SAMD15: variants seen among roughly 807,000 people sequenced by gnomAD.
The protein encoded by SAMD15 is sterile alpha motif domain-containing protein 15.
In SAMD15, 37 loss-of-function variants were observed where a neutral mutation model predicts 50.5. That is an observed-to-expected ratio of 0.73 (90% CI 0.56 to 0.96). The LOEUF (loss-of-function observed/expected upper bound fraction) is 0.96. SAMD15 is among the 40% of genes least tolerant of loss of function. The probability of loss-of-function intolerance (pLI) is 0.00; values close to 1 mark genes in which losing one functional copy is unlikely to be tolerated. For missense variants in SAMD15, 789 were observed against 783.8 expected (o/e 1.01, Z -0.08); for synonymous variants, 255 against 282.8 (o/e 0.90, Z 0.99).
Position 77,378,330 on chromosome 14 carries a change from A to G in SAMD15, c.912A>G (p.Leu304=). 6.2e-7 allele frequency: 1 copy of G among 1,612,394 alleles called. No individual in the cohort carries two copies. The highest frequency in any genetic ancestry group is 8.5e-7 in the Non-Finnish European group (1 of 1,179,622). ...CAACTGAGGAGAAAGGGACAGAACT[A>G]CCTGAGCGGACTAAACCAGACTTTC... ...RKATEEKGTE[L]PERTKPDFPD... is the part of the protein sequence containing the mutation. The change falls in exon 1 of 3, where the codon CTA becomes CTG. Residue 304 remains leucine (L), a synonymous_variant. Coordinates refer to ENST00000216471, the MANE Select transcript of SAMD15 (RefSeq NM_001010860.4).
At chr14:77,381,461 C>G (rs368260504) in intron 2 of SAMD15, among the ~76,000 whole-genome samples, 1 of 152,326 alleles carries the variant, frequency 6.6e-6, no homozygotes, top group East Asian at 1.9e-4. Flanking sequence ...TTGCTCAGCA[C>G]ACCCATGCCC....
chr14:77,384,102 G>T (rs1893978905), intron 2 of SAMD15, among the ~76,000 whole-genome samples: 1 of 150,326 alleles, frequency 6.7e-6, no homozygotes, highest in African/African-American at 2.5e-5. Flanking sequence ...TGTCTCCATT[G>T]TACTTACAGC....
chr14:77,378,836 G>A lies in SAMD15; in HGVS notation c.1418G>A (p.Gly473Asp). 6.2e-7 allele frequency: 1 copy of A among 1,613,898 alleles called. No individual in the cohort carries two copies. Among genetic ancestry groups the A allele is most frequent in the Non-Finnish European group, 8.5e-7 (1 of 1,179,962 alleles). Residue 473 changes from glycine to aspartate, a missense_variant, in exon 1 of 3, where the codon GGT (glycine) becomes GAT (aspartate). By Grantham distance (94) the Gly-to-Asp change is moderately conservative. Transcript: ENST00000216471. ...CTCAGAGAAAGTGAAGAATCAATTGGTACACATTATGAGTTTTTGCAACCA... is the reference window on the plus strand; with the variant it reads ...CTCAGAGAAAGTGAAGAATCAATTGATACACATTATGAGTTTTTGCAACCA... ...GSLRESEESI[G>D]THYEFLQPLQ...
At chr14:77,389,346 A>C (rs375936796) in intron 2 of SAMD15, among the ~76,000 whole-genome samples, 15 of 129,072 alleles carry the variant, frequency 1.2e-4, no homozygotes, top group Admixed American at 3.1e-4. Context: ...TAAAAAAAAA[A>C]CAACAAAAAA....
At position 77,380,711 on chromosome 14, in the gene SAMD15, T is replaced by C. The variant is rs367833887; in HGVS notation, c.1788+230T>C. Among the ~76,000 whole-genome samples the C allele has an allele frequency of 9.8e-4, 149 of 152,218 alleles. 2 individuals are homozygous for C. Among genetic ancestry groups the C allele is most frequent in the African/African-American group, 3.5e-3 (146 of 41,526 alleles). On this transcript the variant is annotated intron_variant, in intron 2 of 2. Transcript: ENST00000216471. ...CACTTACACCGTCTGGCTTTCTTCA[T>C]TCCCACTTTTCAGACCTTATGGCCT...
rs1282499454 is a variant in SAMD15 at position 77,378,807 on chromosome 14, A to G, written c.1389A>G (p.Gly463=). The G allele has an allele frequency of 2.5e-6, 4 of 1,613,108 alleles. No homozygotes were observed. Among genetic ancestry groups the G allele is most frequent in the Non-Finnish European group, 3.4e-6 (4 of 1,179,786 alleles). ...TTAGAAAAGAATATTACGCATTAGG[A>G]TCTCTCAGAGAAAGTGAAGAATCAA... ...DKFRKEYYAL[G]SLRESEESIG... Residue 463 remains glycine, a synonymous_variant, in exon 1 of 3, where the codon GGA becomes GGG. Coordinates refer to ENST00000216471, the MANE Select transcript of SAMD15 (RefSeq NM_001010860.4).
Position 77,391,339 on chromosome 14 carries a change from T to A in SAMD15, c.*95T>A, listed in dbSNP as rs1894070538. 1.2e-6 allele frequency: 1 copy of A among 819,416 alleles called. No homozygotes were observed. The highest frequency in any genetic ancestry group is 1.9e-6 in the Non-Finnish European group (1 of 516,832). 50.8% of individuals were successfully genotyped at this position (819,416 alleles called of 1,614,324 possible). A position where few individuals can be genotyped will look rare whatever the true frequency, so the allele number is the denominator to read the frequency against. Reference sequence around the variant, plus strand: ...GGTTTTCTTTTTCTCCTTTTTTTTTTTTTTATTTTTTTGAGACAGAGTCTT... The same window carrying A: ...GGTTTTCTTTTTCTCCTTTTTTTTTATTTTATTTTTTTGAGACAGAGTCTT... On this transcript the variant is annotated 3_prime_UTR_variant, in exon 3 of 3. Transcript: ENST00000216471.
intron 2 of SAMD15, among the ~76,000 whole-genome samples, chr14:77,387,948 C>T (rs756984683): frequency 2.0e-5 from 3 of 152,054 alleles, no homozygotes; most frequent in Non-Finnish European, 2.9e-5. Flanking sequence ...GAGGCCGAGG[C>T]AGGAAGATGG....
Position 77,379,014 on chromosome 14 carries a change from A to G in SAMD15, c.1596A>G (p.Pro532=). The part of the protein sequence containing the change: ...ERVSEDDETQ[P]EKGTELQFEH... ...TCTCTGAAGATGACGAAACCCAGCC[A>G]GAAAAAGGGACTGAGTTACAATTTG... Residue 532 remains proline (P), a synonymous_variant, in exon 1 of 3, where the codon CCA becomes CCG. Transcript: ENST00000216471. 1.9e-6 allele frequency: 3 copies of G among 1,614,210 alleles called. No individual in the cohort carries two copies. Among genetic ancestry groups the G allele is most frequent in the Non-Finnish European group, 2.5e-6 (3 of 1,180,012 alleles).
intron 2 of SAMD15, 74 bp downstream of exon 2, chr14:77,380,555 T>A: frequency 5.2e-6 from 5 of 953,352 alleles, no homozygotes; most frequent in Non-Finnish European, 6.8e-6. Flanking sequence ...AACCTTTTTT[T>A]CCTCCAGCCT....
rs1436833286 is a variant in SAMD15, at chr14:77,377,933, C to T, written c.515C>T (p.Ser172Leu). Reference sequence around the variant, plus strand: ...CCAACGGAAACCATGTCTGAGGTTTCGGGGGCCACAGTCAGAGAGAGAAAT... The same window carrying T: ...CCAACGGAAACCATGTCTGAGGTTTTGGGGGCCACAGTCAGAGAGAGAAAT... ...VPPTETMSEV[S>L]GATVRERNLE... Residue 172 changes from serine (S) to leucine (L), a missense_variant, in exon 1 of 3, where the codon TCG becomes TTG. This residue lies in a region of SAMD15 where 770 missense variants were observed against 745.4 expected (regional missense o/e 1.03). Coordinates refer to ENST00000216471, the MANE Select transcript of SAMD15 (RefSeq NM_001010860.4). 6.8e-6 allele frequency: 11 copies of T among 1,613,894 alleles called. No individual in the cohort carries two copies. Among genetic ancestry groups the T allele is most frequent in the East Asian group, 4.5e-5 (2 of 44,896 alleles).
At chr14:77,383,463 T>C (rs773112839) in intron 2 of SAMD15, among the ~76,000 whole-genome samples, 2 of 151,968 alleles carry the variant, frequency 1.3e-5, no homozygotes, top group Non-Finnish European at 1.5e-5. Flanking sequence ...ACACAAGAGG[T>C]TTTAAAAATC....
intron 2 of SAMD15, among the ~76,000 whole-genome samples, chr14:77,389,786 G>A (rs972032997): frequency 6.6e-6 from 1 of 151,892 alleles, no homozygotes; most frequent in Non-Finnish European, 1.5e-5. Flanking sequence ...GGCGTGGCGT[G>A]AGCCACGGCC....
chr14:77,378,009 T>TAA lies in SAMD15; in HGVS notation c.592_593insAA (p.Arg198LysfsTer10). On this transcript the variant is annotated frameshift_variant, in exon 1 of 3. Transcript: ENST00000216471. LOFTEE classifies it high-confidence loss of function. The stretch of plus-strand genomic sequence containing the variant: ...AACCGGGGGTTCCAGAGGAATCACT[T>TAA]AGAGTGCAACATGAAGAGACAGGTC... The TAA allele has an allele frequency of 6.2e-7, 1 of 1,613,812 alleles. No homozygotes were observed. The highest frequency in any genetic ancestry group is 8.5e-7 in the Non-Finnish European group (1 of 1,179,992).
At chr14:77,388,085 A>G (rs1388872864) in intron 2 of SAMD15, among the ~76,000 whole-genome samples, 1 of 151,870 alleles carries the variant, frequency 6.6e-6, no homozygotes, top group Admixed American at 6.6e-5. Flanking sequence ...AACACTTTTA[A>G]TTTCTGCATT....
In SAMD15 at chr14:77,387,413, T is replaced by C. The variant is rs150057011; in HGVS notation, c.1789-3595T>C. On this transcript the variant is annotated intron_variant, in intron 2 of 2. Coordinates refer to ENST00000216471, the MANE Select transcript of SAMD15 (RefSeq NM_001010860.4). ...ATCATGCCACTGCACACCAGCCTGA[T>C]TGACAGAGCGAGACCCTGTCTCAAA... Among the ~76,000 whole-genome samples the C allele has an allele frequency of 6.3e-3, 957 of 152,074 alleles. 6 individuals are homozygous for C. The highest frequency in any genetic ancestry group is 0.022 in the African/African-American group (927 of 41,522).
At chr14:77,383,694 C>T (rs1893971305) in intron 2 of SAMD15, among the ~76,000 whole-genome samples, 1 of 152,094 alleles carries the variant, frequency 6.6e-6, no homozygotes, top group Non-Finnish European at 1.5e-5. Context: ...TGATTATGGC[C>T]AGGTCTGGTG....
intron 2 of SAMD15, among the ~76,000 whole-genome samples, chr14:77,390,159 C>A (rs1894054718): frequency 6.6e-6 from 1 of 151,996 alleles, no homozygotes; most frequent in Non-Finnish European, 1.5e-5. Context: ...CCACTCCTGG[C>A]TAATTTTTGT....
At chr14:77,389,524 AG>A (rs1334778716) in intron 2 of SAMD15, among the ~76,000 whole-genome samples, 2 of 125,630 alleles carry the variant, frequency 1.6e-5, no homozygotes, top group African/African-American at 6.4e-5. Context: ...TTTTTGAGAC[AG>A]AGTCTCTCTC....
Sources: gnomAD v4.1 joint callset for allele counts (sites outside exome capture counted in the v4.1 genomes callset) on GRCh38, gnomAD v4.1.1 for gene constraint, gnomAD v4.1.1 regional missense constraint, MANE v1.5 for transcripts, NCBI Gene and HGNC (gene_info 2026-07-23, HGNC 2026-07-21) for gene names.